MLLT3: variants seen among roughly 807,000 people sequenced by gnomAD.
MLLT3 encodes the protein protein AF-9.
In MLLT3, 4 loss-of-function variants were observed where a neutral mutation model predicts 53.2. The observed-to-expected ratio is 0.08, with a 90% CI of 0.04 to 0.17. MLLT3 has a LOEUF of 0.17. Ranked by LOEUF, MLLT3 falls within the 10% of genes least tolerant of loss-of-function variation. The pLI, the probability that MLLT3 is intolerant of heterozygous loss-of-function variation, is 1.00. For missense variants in MLLT3, 569 were observed against 684.0 expected (o/e 0.83, Z 1.87); for synonymous variants, 283 against 230.6 (o/e 1.23, Z -2.06).
At chr9:20,588,227 C>A (rs1031059772) in intron 2 of MLLT3, among the ~76,000 whole-genome samples, 7 of 151,346 alleles carry the variant, frequency 4.6e-5, no homozygotes, top group African/African-American at 1.7e-4. Flanking sequence ...CAGTACCATG[C>A]TGTTTTGGTG....
At chr9:20,481,928 A>C (rs954477608) in intron 2 of MLLT3, among the ~76,000 whole-genome samples, 3 of 152,246 alleles carry the variant, frequency 2.0e-5, no homozygotes, top group African/African-American at 7.2e-5. Context: ...ACTAGTGGTC[A>C]GCTGGGTAGT....
intron 2 of MLLT3, among the ~76,000 whole-genome samples, chr9:20,565,941 TATATATATATATTTATATATATATA>T (rs1563820406): frequency 8.5e-6 from 1 of 118,170 alleles, no homozygotes; most frequent in Non-Finnish European, 1.7e-5. Flanking sequence ...TATATATTTA[TATATATATATATTTATATATATATA>T]TTTATATATA....
rs1818371447 is a variant in MLLT3, at chr9:20,532,566, G to C, written c.194-75780C>G. 3 of 237,756 alleles carry C rather than the reference G, an allele frequency of 1.3e-5. No individual in the cohort carries two copies. The Admixed American group carries it at 1.6e-4, about 13-fold the overall frequency. 14.7% of individuals were successfully genotyped at this position (237,756 alleles called of 1,614,324 possible). On this transcript the variant is annotated intron_variant, in intron 2 of 10. Transcript: ENST00000380338. ...CGCCACCCAAGGTTCCCAAAGGAAAGAAGGCCAAGAGAAAGAAGGTGGCTC... is the reference window on the plus strand; with the variant it reads ...CGCCACCCAAGGTTCCCAAAGGAAACAAGGCCAAGAGAAAGAAGGTGGCTC...
At chr9:20,365,127 G>A (rs1283941668) in intron 6 of MLLT3, among the ~76,000 whole-genome samples, 2 of 152,150 alleles carry the variant, frequency 1.3e-5, no homozygotes, top group African/African-American at 4.8e-5. Context: ...CCTGGGATGG[G>A]CTGTGTCTAT....
intron 2 of MLLT3, among the ~76,000 whole-genome samples, chr9:20,589,333 A>T (rs1820063605): frequency 6.6e-6 from 1 of 151,344 alleles, no homozygotes; most frequent in African/African-American, 2.4e-5. Flanking sequence ...CTATCGCAAG[A>T]ACAAAAAACC....
chr9:20,384,274 T>C (rs1821975226), intron 5 of MLLT3, among the ~76,000 whole-genome samples: 1 of 151,980 alleles, frequency 6.6e-6, no homozygotes, highest in South Asian at 2.1e-4. Context: ...AATACAGAGG[T>C]GGGCCAAAAC....
chr9:20,503,514 C>T (rs1235319357), intron 2 of MLLT3, among the ~76,000 whole-genome samples: 1 of 152,154 alleles, frequency 6.6e-6, no homozygotes, highest in Non-Finnish European at 1.5e-5. Context: ...AAATTCGACC[C>T]TTACTTCATA....
rs538799811 is a variant in MLLT3, at chr9:20,620,140, G to A, written c.193+514C>T. On this transcript the variant is annotated intron_variant, in intron 2 of 10. Transcript: ENST00000380338. The surrounding 1 kb of genome is among the most constrained non-coding windows in gnomAD (Gnocchi z 6.1). ...ACTGGCACCTGGTGCCTCATACACAGACAGGAAAGCACAGAAGACCCTAAA... is the reference window on the plus strand; with the variant it reads ...ACTGGCACCTGGTGCCTCATACACAAACAGGAAAGCACAGAAGACCCTAAA... Among the ~76,000 whole-genome samples, 1 of 152,130 alleles carries A rather than the reference G, an allele frequency of 6.6e-6. No individual in the cohort carries two copies. Among genetic ancestry groups the A allele is most frequent in the East Asian group, 1.9e-4 (1 of 5,168 alleles).
chr9:20,585,000 T>C (rs1819914066), intron 2 of MLLT3, among the ~76,000 whole-genome samples: 1 of 152,190 alleles, frequency 6.6e-6, no homozygotes, highest in Non-Finnish European at 1.5e-5. Context: ...TGGACATAAG[T>C]TTTCAACTCA....
chr9:20,462,258 A>G (rs1824128421), intron 2 of MLLT3, among the ~76,000 whole-genome samples: 1 of 152,230 alleles, frequency 6.6e-6, no homozygotes, highest in South Asian at 2.1e-4. Flanking sequence ...ACTTCAAAAC[A>G]GATTATTCCT....
intron 10 of MLLT3, among the ~76,000 whole-genome samples, chr9:20,347,013 T>C (rs1431884982): frequency 1.4e-5 from 2 of 144,410 alleles, no homozygotes; most frequent in Non-Finnish European, 3.0e-5. Context: ...CACACCCCTA[T>C]ATAAAATCAT....
intron 2 of MLLT3, among the ~76,000 whole-genome samples, chr9:20,487,124 T>C (rs568134429): frequency 6.6e-6 from 1 of 152,220 alleles, no homozygotes; most frequent in Admixed American, 6.5e-5. Context: ...AGAGAGGGCA[T>C]TAGCTAAATA....
At chr9:20,592,393 C>A (rs560712114) in intron 2 of MLLT3, among the ~76,000 whole-genome samples, 2 of 152,292 alleles carry the variant, frequency 1.3e-5, no homozygotes, top group African/African-American at 4.8e-5. Flanking sequence ...ATCAGCAGGG[C>A]TGATTTCTTC....
rs1041084355 is a variant in MLLT3, at chr9:20,495,247, G to A, written c.194-38461C>T. 5.3e-5 allele frequency among the ~76,000 whole-genome samples: 8 copies of A among 152,226 alleles called. No individual in the cohort carries two copies. The East Asian group carries it at 7.7e-4, about 15-fold the overall frequency. On this transcript the variant is annotated intron_variant, in intron 2 of 10. Transcript: ENST00000380338. Reference sequence around the variant, plus strand: ...AAAACCTACTCCCTTGCTTCTCAGCGTGCTCTGCAAATCAGTGACATCAGT... The same window carrying A: ...AAAACCTACTCCCTTGCTTCTCAGCATGCTCTGCAAATCAGTGACATCAGT...
chr9:20,395,566 G>C (rs1822301356), intron 5 of MLLT3, among the ~76,000 whole-genome samples: 1 of 152,036 alleles, frequency 6.6e-6, no homozygotes, highest in African/African-American at 2.4e-5. Context: ...AACTGTTTTT[G>C]CCTTTCATGT....
intron 5 of MLLT3, among the ~76,000 whole-genome samples, chr9:20,376,578 A>C (rs1821771025): frequency 6.6e-6 from 1 of 152,192 alleles, no homozygotes; most frequent in Non-Finnish European, 1.5e-5. Flanking sequence ...ATTTGGACTT[A>C]TCACTACTTG....
chr9:20,408,150 C>T (rs1353232852), intron 5 of MLLT3, among the ~76,000 whole-genome samples: 3 of 151,978 alleles, frequency 2.0e-5, no homozygotes, highest in Non-Finnish European at 4.4e-5. Flanking sequence ...AAGATAGAGC[C>T]CCTGTGTATT....
chr9:20,358,310 C>A (rs566525527), intron 8 of MLLT3, among the ~76,000 whole-genome samples: 76 of 152,192 alleles, frequency 5.0e-4, no homozygotes, highest in African/African-American at 1.8e-3. Flanking sequence ...ATTTCCTAAC[C>A]CAGACTAGCT....
At position 20,498,266 on chromosome 9, in the gene MLLT3, A is replaced by AAAG. The variant is rs760352616; in HGVS notation, c.194-41481_194-41480insCTT. Among the ~76,000 whole-genome samples, 151 of 98,350 alleles carry AAAG rather than the reference A, an allele frequency of 1.5e-3. 42 individuals carry two copies. Among genetic ancestry groups the AAAG allele is most frequent in the East Asian group, 0.013 (37 of 2,864 alleles). The allele number at this position is 98,350 out of a possible 152,430, so 64.5% of individuals were successfully genotyped here. ...AAAAAAAAAAAAAAAAAAAAAAAAA[A>AAAG]GTTCTTCTAGCTGTTCTACCTTTAC... On this transcript the variant is annotated intron_variant, in intron 2 of 10. Transcript: ENST00000380338.
Sources: allele counts gnomAD v4.1 joint callset (sites outside exome capture counted in the v4.1 genomes callset), GRCh38; gene constraint gnomAD v4.1.1; non-coding constraint Gnocchi (gnomAD v3.1); transcripts MANE v1.5; gene names NCBI Gene and HGNC (gene_info 2026-07-23, HGNC 2026-07-21).